SPMIP11: variants seen among roughly 807,000 people sequenced by gnomAD.
SPMIP11 encodes sperm microtubule inner protein 11, also known as long intergenic non-protein coding RNA 935.
chr12:48,736,881 G>T, the SPMIP11 span, among the ~76,000 whole-genome samples: 2 of 151,804 alleles, frequency 1.3e-5, no homozygotes, highest in African/African-American at 4.8e-5. Flanking sequence ...AAATTTTGAA[G>T]CTATGTTTTT....
the SPMIP11 span, among the ~76,000 whole-genome samples, chr12:48,737,811 T>G: frequency 6.6e-6 from 1 of 152,050 alleles, no homozygotes; most frequent in Non-Finnish European, 1.5e-5. Flanking sequence ...AATCTTGATA[T>G]TATTATCATT....
the SPMIP11 span, among the ~76,000 whole-genome samples, chr12:48,730,474 C>T: frequency 6.6e-6 from 1 of 152,158 alleles, no homozygotes; most frequent in Admixed American, 6.5e-5. Context: ...TTTCAACTTG[C>T]CAGTTTCTAA....
the SPMIP11 span, among the ~76,000 whole-genome samples, chr12:48,760,718 G>A: frequency 6.6e-5 from 10 of 150,920 alleles, no homozygotes; most frequent in African/African-American, 2.4e-4. Flanking sequence ...GTAGAGACAG[G>A]GTTTCACCAT....
chr12:48,755,589 A>G, the SPMIP11 span, among the ~76,000 whole-genome samples: 1 of 152,152 alleles, frequency 6.6e-6, no homozygotes, highest in Non-Finnish European at 1.5e-5. Context: ...AAATGGATGC[A>G]AGGTATATGC....
the SPMIP11 span, among the ~76,000 whole-genome samples, chr12:48,735,171 C>G: frequency 2.6e-5 from 4 of 152,076 alleles, no homozygotes; most frequent in Non-Finnish European, 4.4e-5. Context: ...CCTGAATGAG[C>G]CTGGAAGTAG....
chr12:48,734,826 ACCC>A, the SPMIP11 span, among the ~76,000 whole-genome samples: 1 of 151,826 alleles, frequency 6.6e-6, no homozygotes, highest in Non-Finnish European at 1.5e-5. Context: ...ACATGGTGAA[ACCC>A]TGTCTCTACT....
the SPMIP11 span, among the ~76,000 whole-genome samples, chr12:48,757,660 A>AAAAC: frequency 1.4e-5 from 1 of 71,132 alleles, no homozygotes; most frequent in African/African-American, 7.5e-5. Flanking sequence ...AAATAAAAAT[A>AAAAC]AAAATAAAAT....
chr12:48,768,215 C>G, the SPMIP11 span: 1 of 334,084 alleles, frequency 3.0e-6, no homozygotes, highest in Non-Finnish European at 5.7e-6. Flanking sequence ...AAGGGCTCAG[C>G]CCTGAACCTG....
At chr12:48,768,821 G>A in the SPMIP11 span, 30 of 1,552,078 alleles carry the variant, frequency 1.9e-5, no homozygotes, top group Middle Eastern at 3.7e-4. Flanking sequence ...CCCAGTCCCT[G>A]CCCCACCATA....
the SPMIP11 span, among the ~76,000 whole-genome samples, chr12:48,736,456 T>G: frequency 5.9e-5 from 9 of 151,590 alleles, no homozygotes; most frequent in African/African-American, 2.2e-4. Context: ...CATGTTTTCA[T>G]TTGTTGGTTC....
chr12:48,730,709 G>A, the SPMIP11 span, among the ~76,000 whole-genome samples: 9 of 152,214 alleles, frequency 5.9e-5, no homozygotes, highest in South Asian at 1.7e-3. Context: ...AGGCCGAGGC[G>A]GGTGGATCAC....
At chr12:48,753,160 G>A in the SPMIP11 span, among the ~76,000 whole-genome samples, 3 of 152,146 alleles carry the variant, frequency 2.0e-5, no homozygotes, top group Non-Finnish European at 2.9e-5. Context: ...ACTGTTCATT[G>A]ACCGGAGTCA....
At chr12:48,756,716 A>G in the SPMIP11 span, among the ~76,000 whole-genome samples, 2 of 152,114 alleles carry the variant, frequency 1.3e-5, no homozygotes, top group Non-Finnish European at 2.9e-5. Context: ...CTTCTGCTCC[A>G]GGAATACAGA....
chr12:48,734,407 A>G, the SPMIP11 span, among the ~76,000 whole-genome samples: 1 of 152,134 alleles, frequency 6.6e-6, no homozygotes, highest in Non-Finnish European at 1.5e-5. Context: ...CACTGTGCCC[A>G]GCTTCATTCT....
the SPMIP11 span, among the ~76,000 whole-genome samples, chr12:48,752,080 C>CAAAAAAAAAAAAAAAAAAAAA: frequency 7.5e-6 from 1 of 132,656 alleles, no homozygotes; most frequent in Non-Finnish European, 1.5e-5. Context: ...AAAAAAAAAA[C>CAAAAAAAAAAAAAAAAAAAAA]AAACAAACAA....
At chr12:48,731,446 G>A in the SPMIP11 span, among the ~76,000 whole-genome samples, 1 of 151,750 alleles carries the variant, frequency 6.6e-6, no homozygotes, top group Non-Finnish European at 1.5e-5. Flanking sequence ...AGCCGAGATT[G>A]CGCCACTGCC....
chr12:48,745,423 G>A, the SPMIP11 span, among the ~76,000 whole-genome samples: 3 of 151,982 alleles, frequency 2.0e-5, no homozygotes, highest in Admixed American at 6.6e-5. Flanking sequence ...TGACCAACAC[G>A]GTGAAACCCC....
chr12:48,759,196 A>C, the SPMIP11 span: 1 of 702,664 alleles, frequency 1.4e-6, no homozygotes, highest in Admixed American at 2.0e-5. Flanking sequence ...GAACGAGTCT[A>C]CTCTAATTTC....
chr12:48,758,351 C>G, the SPMIP11 span, among the ~76,000 whole-genome samples: 12 of 152,252 alleles, frequency 7.9e-5, no homozygotes, highest in African/African-American at 2.6e-4. Context: ...CACTACTGGC[C>G]CCAAGGATGC....
Sources: allele counts gnomAD v4.1 joint callset (sites outside exome capture counted in the v4.1 genomes callset), GRCh38; gene constraint gnomAD v4.1.1; transcripts MANE v1.5; gene names NCBI Gene and HGNC (gene_info 2026-07-23, HGNC 2026-07-21).